The following PIWIL2 variants were observed in gnomAD, a reference collection of about 807,000 sequenced individuals.
PIWIL2 encodes the protein piwi-like protein 2.
A neutral mutation model predicts 116.5 loss-of-function variants in PIWIL2; 81 were observed. The observed-to-expected ratio is 0.70, with a 90% CI of 0.58 to 0.84. The LOEUF is 0.84. PIWIL2 is among the 40% of genes least tolerant of loss of function. The pLI, the probability that PIWIL2 is intolerant of heterozygous loss-of-function variation, is 0.00. For missense variants in PIWIL2, 1,272 were observed against 1,212.3 expected, an observed-to-expected ratio of 1.05 and a Z score of -0.73; for synonymous variants, 489 against 429.5, an observed-to-expected ratio of 1.14 and a Z score of -1.71.
chr8:22,354,652 A>G (rs929310649), intron 22 of PIWIL2, among the ~76,000 whole-genome samples: 3 of 152,212 alleles, frequency 2.0e-5, no homozygotes, highest in Non-Finnish European at 4.4e-5. Context: ...CGATTATGAC[A>G]TACAGCCAGA....
intron 10 of PIWIL2, among the ~76,000 whole-genome samples, chr8:22,295,789 T>A (rs977826520): frequency 7.9e-5 from 12 of 152,192 alleles, no homozygotes; most frequent in Admixed American, 7.9e-4. Context: ...GCTTTTCTTT[T>A]CATCACCCAG....
intron 20 of PIWIL2, among the ~76,000 whole-genome samples, chr8:22,348,463 G>C (rs76983152): frequency 0.011 from 1,698 of 152,242 alleles, 45 homozygotes; most frequent in African/African-American, 0.037. Flanking sequence ...GCAGTGCTAA[G>C]GGATACTAAA....
chr8:22,291,548 T>G (rs1317994464), intron 10 of PIWIL2, among the ~76,000 whole-genome samples: 1 of 152,230 alleles, frequency 6.6e-6, no homozygotes, highest in Non-Finnish European at 1.5e-5. Flanking sequence ...GTAGAATTAC[T>G]TAATGGAAGG....
chr8:22,281,442 C>T lies in PIWIL2; in HGVS notation c.352C>T (p.Pro118Ser), dbSNP rs774855623. Residue 118 changes from proline (P) to serine (S), a missense_variant, in exon 4 of 23, where the codon CCC becomes TCC. By Grantham distance (74) the Pro-to-Ser change is moderately conservative. Coordinates refer to ENST00000356766, the MANE Select transcript of PIWIL2 (RefSeq NM_018068.5). ...LVRKDREELS[P>S]TFWDPKVLAA... ...ACGCAAGGACAGGGAGGAACTCTCT[C>T]CCACTTTTTGGGATCCAAAAGTGTT... 1 of 1,604,404 alleles carries T rather than the reference C, an allele frequency of 6.2e-7. No individual in the cohort carries two copies. The highest frequency in any genetic ancestry group is 8.5e-7 in the Non-Finnish European group (1 of 1,177,926).
chr8:22,288,651 ATGT>A lies in PIWIL2; in HGVS notation c.976_978del (p.Val326del). ...TCTGACCTGTGCATTCCCTTCTACA[ATGT>A]TGTTTTCCGTCGGTAAGAAAACAGC... On this transcript the variant is annotated inframe_deletion, in exon 8 of 23. Transcript: ENST00000356766. 1 of 1,609,670 alleles carries A rather than the reference ATGT, an allele frequency of 6.2e-7. No individual in the cohort carries two copies. Among genetic ancestry groups the A allele is most frequent in the Non-Finnish European group, 8.5e-7 (1 of 1,178,086 alleles).
intron 13 of PIWIL2, among the ~76,000 whole-genome samples, chr8:22,306,880 A>T (rs1831194834): frequency 6.6e-6 from 1 of 152,178 alleles, no homozygotes; most frequent in African/African-American, 2.4e-5. Context: ...GACCCTAATG[A>T]CTACCTCAGA....
intron 10 of PIWIL2, among the ~76,000 whole-genome samples, chr8:22,296,056 T>TTTGTTGTTG (rs1554499137): frequency 1.4e-3 from 168 of 118,314 alleles, no homozygotes; most frequent in Middle Eastern, 4.3e-3. Context: ...TTTTTTTTTT[T>TTTGTTGTTG]TTGTTGTTGT....
intron 20 of PIWIL2, among the ~76,000 whole-genome samples, chr8:22,329,018 A>C (rs967444613): frequency 6.6e-6 from 1 of 152,062 alleles, no homozygotes; most frequent in Non-Finnish European, 1.5e-5. Flanking sequence ...AGCAGTGCTA[A>C]AATCAGGCAT....
chr8:22,292,585 A>G (rs984408722), intron 10 of PIWIL2, among the ~76,000 whole-genome samples: 1 of 152,226 alleles, frequency 6.6e-6, no homozygotes, highest in African/African-American at 2.4e-5. Flanking sequence ...CACCCTGTAC[A>G]CTTAGACTTA....
At chr8:22,302,622 C>T (rs571950480) in intron 10 of PIWIL2, among the ~76,000 whole-genome samples, 2 of 152,238 alleles carry the variant, frequency 1.3e-5, no homozygotes, top group East Asian at 3.9e-4. Flanking sequence ...TGATCACCCC[C>T]TTGTCTGTAG....
At chr8:22,287,837 C>A (rs534476132) in intron 7 of PIWIL2, among the ~76,000 whole-genome samples, 192 bp downstream of exon 7, 1 of 152,148 alleles carries the variant, frequency 6.6e-6, no homozygotes, top group African/African-American at 2.4e-5. Flanking sequence ...GGGTAGGAAA[C>A]CATAGAATTC....
chr8:22,319,028 T>G (rs1037789695), intron 20 of PIWIL2, among the ~76,000 whole-genome samples: 1 of 152,204 alleles, frequency 6.6e-6, no homozygotes, highest in African/African-American at 2.4e-5. Context: ...CATGGAGGAT[T>G]GCTATAATTA....
At chr8:22,328,375 A>G (rs1377276670) in intron 20 of PIWIL2, among the ~76,000 whole-genome samples, 1 of 152,074 alleles carries the variant, frequency 6.6e-6, no homozygotes, top group African/African-American at 2.4e-5. Context: ...GAGTCTTCCA[A>G]CTTTATTTTT....
intron 20 of PIWIL2, among the ~76,000 whole-genome samples, chr8:22,327,279 C>T (rs1328829193): frequency 6.6e-5 from 10 of 151,278 alleles, no homozygotes; most frequent in African/African-American, 2.2e-4. Context: ...TCAGGTGATC[C>T]GCCCAGCTCA....
At chr8:22,316,432 T>A in intron 19 of PIWIL2, 99 bp downstream of exon 19, 2 of 764,770 alleles carry the variant, frequency 2.6e-6, no homozygotes, top group Non-Finnish European at 4.4e-6. Flanking sequence ...TGTATTACAA[T>A]ATAAAGATTT....
chr8:22,305,382 C>T (rs560950975), intron 12 of PIWIL2, among the ~76,000 whole-genome samples: 65 of 152,030 alleles, frequency 4.3e-4, no homozygotes, highest in African/African-American at 1.1e-3. Context: ...TTAATAGAGA[C>T]GGGGTTTCAC....
intron 19 of PIWIL2, among the ~76,000 whole-genome samples, chr8:22,316,589 C>T (rs1831465458): frequency 6.6e-6 from 1 of 151,892 alleles, no homozygotes; most frequent in African/African-American, 2.4e-5. Flanking sequence ...TCAAGTGATT[C>T]TCCTGCCTCA....
chr8:22,299,157 A>T (rs11785928), intron 10 of PIWIL2, among the ~76,000 whole-genome samples: 44,925 of 147,116 alleles, frequency 0.31, 8,433 homozygotes, highest in East Asian at 0.58. Flanking sequence ...TTCATAAAGA[A>T]TTTTCTAAAA....
At chr8:22,298,255 C>G (rs1586552697) in intron 10 of PIWIL2, among the ~76,000 whole-genome samples, 1 of 150,820 alleles carries the variant, frequency 6.6e-6, no homozygotes, top group African/African-American at 2.4e-5. Context: ...GAGTGAGACC[C>G]TATTTAAAAA....
Sources: gnomAD v4.1 joint callset for allele counts (sites outside exome capture counted in the v4.1 genomes callset) on GRCh38, gnomAD v4.1.1 for gene constraint, MANE v1.5 for transcripts, NCBI Gene and HGNC (gene_info 2026-07-23, HGNC 2026-07-21) for gene names.